The following ITFG1 variants were observed in gnomAD, a reference collection of about 807,000 sequenced individuals.
ITFG1 encodes the protein T-cell immunomodulatory protein.
In ITFG1, 34 loss-of-function variants were observed where a neutral mutation model predicts 81.8. That is an observed-to-expected ratio of 0.42 (90% CI 0.32 to 0.55). The LOEUF (loss-of-function observed/expected upper bound fraction) is 0.55, where lower values mean the gene tolerates loss of function less well. ITFG1 is among the 20% of genes least tolerant of loss of function. The pLI is 0.17. For missense variants in ITFG1, 672 were observed against 755.4 expected (o/e 0.89, Z 1.29); for synonymous variants, 285 against 270.6 (o/e 1.05, Z -0.52).
intron 12 of ITFG1, among the ~76,000 whole-genome samples, chr16:47,258,251 T>G (rs1311576989): frequency 6.6e-6 from 1 of 152,212 alleles, no homozygotes; most frequent in African/African-American, 2.4e-5. Context: ...GTGGAATTTC[T>G]GCAAATAATT....
intron 14 of ITFG1, among the ~76,000 whole-genome samples, chr16:47,162,947 A>G (rs1964831630): frequency 1.3e-5 from 2 of 152,116 alleles, no homozygotes; most frequent in South Asian, 4.1e-4. Context: ...AGCTGAGACC[A>G]CAGGCATGTG....
chr16:47,411,497 C>G (rs936224522), intron 6 of ITFG1, among the ~76,000 whole-genome samples: 1 of 152,114 alleles, frequency 6.6e-6, no homozygotes, highest in Non-Finnish European at 1.5e-5. Flanking sequence ...ATACCGGCTG[C>G]ACACTCAGGG....
At chr16:47,301,409 C>CTTT (rs1013125084) in intron 10 of ITFG1, among the ~76,000 whole-genome samples, 2 of 144,140 alleles carry the variant, frequency 1.4e-5, no homozygotes, top group African/African-American at 2.5e-5. Flanking sequence ...TCTTCTTCTT[C>CTTT]TTTTTTTTTT....
At chr16:47,278,200 T>A (rs760135588) in intron 10 of ITFG1, among the ~76,000 whole-genome samples, 13 of 152,194 alleles carry the variant, frequency 8.5e-5, no homozygotes. Flanking sequence ...TATAGAAGTG[T>A]CAGTGTTTAA....
intron 5 of ITFG1, among the ~76,000 whole-genome samples, chr16:47,431,013 T>C (rs1417838001): frequency 1.3e-5 from 2 of 152,180 alleles, no homozygotes; most frequent in African/African-American, 4.8e-5. Context: ...AAATTACTAA[T>C]ACAATACAGA....
intron 14 of ITFG1, among the ~76,000 whole-genome samples, chr16:47,190,783 T>A (rs1340421613): frequency 6.6e-6 from 1 of 152,224 alleles, no homozygotes; most frequent in Non-Finnish European, 1.5e-5. Flanking sequence ...AGAACTAGAA[T>A]CATTTTATTT....
intron 13 of ITFG1, among the ~76,000 whole-genome samples, chr16:47,220,242 C>G (rs1409624567): frequency 1.3e-5 from 2 of 152,202 alleles, no homozygotes; most frequent in African/African-American, 4.8e-5. Context: ...CAAGAAACCC[C>G]TGGGGGTCCC....
rs1964690667 is a variant in ITFG1 at position 47,155,597 on chromosome 16, A to G, written c.*122T>C. ...ACCATATTTATTTGAATACTTTCCA[A>G]TAATTACCATGGGATACATCATTTA... On this transcript the variant is annotated 3_prime_UTR_variant, in exon 18 of 18. Transcript: ENST00000320640. 1 of 675,580 alleles carries G rather than the reference A, an allele frequency of 1.5e-6. No individual in the cohort carries two copies. Among genetic ancestry groups the G allele is most frequent in the East Asian group, 2.7e-5 (1 of 36,920 alleles). 41.8% of individuals were successfully genotyped at this position (675,580 alleles called of 1,614,324 possible).
At chr16:47,421,585 G>A (rs1968950405) in intron 6 of ITFG1, among the ~76,000 whole-genome samples, 1 of 152,122 alleles carries the variant, frequency 6.6e-6, no homozygotes, top group Admixed American at 6.5e-5. Context: ...TTACAGGGGT[G>A]AGCCACCATG....
intron 6 of ITFG1, among the ~76,000 whole-genome samples, chr16:47,387,598 T>A (rs985801536): frequency 1.3e-5 from 2 of 152,094 alleles, no homozygotes; most frequent in African/African-American, 4.8e-5. Context: ...TCCAAGGCAG[T>A]CTCCTGTCCT....
chr16:47,212,364 C>A (rs978233619), intron 14 of ITFG1, among the ~76,000 whole-genome samples: 1 of 152,090 alleles, frequency 6.6e-6, no homozygotes, highest in African/African-American at 2.4e-5. Context: ...TGGGCACATG[C>A]CACTACATCT....
chr16:47,308,594 T>C (rs909553739), intron 10 of ITFG1, among the ~76,000 whole-genome samples: 2 of 152,146 alleles, frequency 1.3e-5, no homozygotes, highest in African/African-American at 4.8e-5. Context: ...AACCAACCCA[T>C]GAAAAACGAT....
At chr16:47,432,200 T>C (rs953717332) in intron 5 of ITFG1, among the ~76,000 whole-genome samples, 6 of 152,140 alleles carry the variant, frequency 3.9e-5, no homozygotes, top group Admixed American at 3.9e-4. Flanking sequence ...CTACTGCAGT[T>C]AGAAGTCACT....
intron 14 of ITFG1, among the ~76,000 whole-genome samples, chr16:47,199,244 G>A (rs1965394900): frequency 2.0e-5 from 3 of 147,570 alleles, no homozygotes. Flanking sequence ...TCCAGCCTGG[G>A]CAACAAAGCG....
At chr16:47,333,142 T>A (rs1254872331) in intron 8 of ITFG1, among the ~76,000 whole-genome samples, 2 of 152,150 alleles carry the variant, frequency 1.3e-5, no homozygotes, top group Non-Finnish European at 2.9e-5. Flanking sequence ...AATTGATAAT[T>A]CCTGAATATC....
intron 14 of ITFG1, among the ~76,000 whole-genome samples, chr16:47,196,997 C>T (rs1965366160): frequency 6.6e-6 from 1 of 152,154 alleles, no homozygotes; most frequent in Non-Finnish European, 1.5e-5. Context: ...AAAACACTCT[C>T]TGGCAAAAAG....
chr16:47,236,178 G>C (rs1347335740), intron 13 of ITFG1, among the ~76,000 whole-genome samples: 2 of 152,090 alleles, frequency 1.3e-5, no homozygotes, highest in Non-Finnish European at 2.9e-5. Flanking sequence ...ATGGATCTTA[G>C]AAGTGTCACC....
chr16:47,323,639 A>G (rs1159331881), intron 8 of ITFG1, among the ~76,000 whole-genome samples: 1 of 146,746 alleles, frequency 6.8e-6, no homozygotes, highest in Non-Finnish European at 1.5e-5. Flanking sequence ...CCTAACTCAG[A>G]GTTTGATAAA....
intron 12 of ITFG1, among the ~76,000 whole-genome samples, chr16:47,251,757 A>G (rs192456914): frequency 1.1e-4 from 16 of 152,374 alleles, no homozygotes; most frequent in Admixed American, 7.8e-4. Context: ...TAATTTACAA[A>G]TTAGGCATAG....
Sources: gnomAD v4.1 joint callset for allele counts (sites outside exome capture counted in the v4.1 genomes callset) on GRCh38, gnomAD v4.1.1 for gene constraint, MANE v1.5 for transcripts, NCBI Gene and HGNC (gene_info 2026-07-23, HGNC 2026-07-21) for gene names.